MMS22L: variants seen among roughly 807,000 people sequenced by gnomAD.
The protein encoded by MMS22L is protein MMS22-like.
In MMS22L, 74 loss-of-function variants were observed where a neutral mutation model predicts 159.1. The observed-to-expected ratio is 0.47, with a 90% CI of 0.39 to 0.56. The LOEUF is 0.56. MMS22L is among the 20% of genes least tolerant of loss of function. The pLI, the probability that MMS22L is intolerant of heterozygous loss-of-function variation, is 0.00. For synonymous variants in MMS22L, 517 were observed against 506.9 expected (o/e 1.02, Z -0.27); for missense variants, 1,351 against 1,422.1 (o/e 0.95, Z 0.80).
intron 8 of MMS22L, 198 bp downstream of exon 8, chr6:97,267,674 C>T (rs1022930982): frequency 9.0e-6 from 3 of 333,848 alleles, no homozygotes; most frequent in Non-Finnish European, 1.0e-5. Context: ...AAAAGAAAAG[C>T]TCTAAAATAC....
At chr6:97,254,758 T>C in intron 9 of MMS22L, 25 bp from the exon 10 acceptor site, 1 of 1,559,354 alleles carries the variant, frequency 6.4e-7, no homozygotes. Flanking sequence ...GTAATTTGAT[T>C]CCATTAAGAC....
intron 7 of MMS22L, among the ~76,000 whole-genome samples, chr6:97,268,724 G>C (rs997804173): frequency 6.6e-6 from 1 of 151,974 alleles, no homozygotes; most frequent in Non-Finnish European, 1.5e-5. Flanking sequence ...CAAGGTAATA[G>C]ATAACCAAAA....
At chr6:97,270,413 A>G (rs1815607339) in intron 6 of MMS22L, 4 of 383,792 alleles carry the variant, frequency 1.0e-5, no homozygotes, top group South Asian at 4.1e-5. Context: ...AGAACTTTAG[A>G]CTGTCATGTA....
Position 97,179,531 on chromosome 6 carries a change from C to A in MMS22L, c.2413G>T (p.Gly805Cys), listed in dbSNP as rs775256756. The stretch of plus-strand genomic sequence containing the variant: ...GTTAAGGCTTGAAAAGATACATAGC[C>A]TGAATGAGAAAGTGCTTCACATAAT... Reference protein sequence around the residue: ...STLCEALSHSGYVSFQALTVR... With the variant: ...STLCEALSHSCYVSFQALTVR... Residue 805 changes from glycine to cysteine, a missense_variant, in exon 17 of 25, where the codon GGC becomes TGC. By Grantham distance (159) the Gly-to-Cys change is radical. Coordinates refer to ENST00000683635, the MANE Select transcript of MMS22L (RefSeq NM_001350599.2). 1.2e-6 allele frequency: 2 copies of A among 1,611,080 alleles called. No homozygotes were observed.
intron 10 of MMS22L, among the ~76,000 whole-genome samples, chr6:97,248,667 C>G (rs1320961937): frequency 6.6e-6 from 1 of 152,078 alleles, no homozygotes; most frequent in Admixed American, 6.5e-5. Flanking sequence ...CAAGACCAGC[C>G]TGGCCAACAT....
At chr6:97,246,918 G>A (rs1188212676) in intron 10 of MMS22L, among the ~76,000 whole-genome samples, 1 of 151,562 alleles carries the variant, frequency 6.6e-6, no homozygotes, top group African/African-American at 2.4e-5. Flanking sequence ...TGTAACAGTG[G>A]TGCTTCAGTA....
intron 11 of MMS22L, among the ~76,000 whole-genome samples, chr6:97,238,349 T>A (rs1464158872): frequency 6.6e-6 from 1 of 152,212 alleles, no homozygotes; most frequent in Non-Finnish European, 1.5e-5. Flanking sequence ...ATAGTATTGT[T>A]CCTTAAGATG....
chr6:97,255,356 C>A (rs1373881533), intron 9 of MMS22L, among the ~76,000 whole-genome samples: 1 of 151,922 alleles, frequency 6.6e-6, no homozygotes, highest in Non-Finnish European at 1.5e-5. Context: ...AAGTCATGTT[C>A]CTTTTTATAT....
chr6:97,263,742 T>C (rs559092348), intron 8 of MMS22L: 1 of 183,812 alleles, frequency 5.4e-6, no homozygotes, highest in African/African-American at 2.4e-5. Context: ...GGAGTCTCGC[T>C]CTGTCACCCA....
intron 14 of MMS22L, among the ~76,000 whole-genome samples, chr6:97,220,595 A>T (rs1454594586): frequency 2.0e-5 from 3 of 152,188 alleles, no homozygotes; most frequent in African/African-American, 7.2e-5. Flanking sequence ...TTTTAAAAAC[A>T]GAGGTAATGA....
At chr6:97,251,926 A>G (rs922246758) in intron 10 of MMS22L, among the ~76,000 whole-genome samples, 7 of 152,270 alleles carry the variant, frequency 4.6e-5, no homozygotes, top group African/African-American at 1.7e-4. Context: ...TACGAAAAAT[A>G]CAAAAAATTA....
At chr6:97,270,226 T>G (rs1333123717) in intron 6 of MMS22L, 2 of 604,654 alleles carry the variant, frequency 3.3e-6, no homozygotes, top group Non-Finnish European at 6.1e-6. Context: ...ACCTTGGGGC[T>G]GCTGAATAGA....
intron 21 of MMS22L, 85 bp downstream of exon 21, chr6:97,165,161 G>T: frequency 1.7e-6 from 2 of 1,165,466 alleles, no homozygotes; most frequent in Non-Finnish European, 2.5e-6. Flanking sequence ...CCTAAGGGTT[G>T]CCAATATGTT....
At chr6:97,230,476 T>C (rs915162967) in intron 13 of MMS22L, 11 of 152,066 alleles carry the variant, frequency 7.2e-5, no homozygotes, top group African/African-American at 2.2e-4. Context: ...GTTAAATGTT[T>C]ATAAATACTT....
intron 14 of MMS22L, among the ~76,000 whole-genome samples, chr6:97,206,747 TAA>T (rs1424843364): frequency 1.3e-5 from 2 of 152,084 alleles, no homozygotes; most frequent in East Asian, 3.9e-4. Flanking sequence ...TAAACATGGC[TAA>T]AAGAGACACT....
chr6:97,258,782 A>C (rs1385148508), intron 9 of MMS22L: 1 of 152,228 alleles, frequency 6.6e-6, no homozygotes, highest in African/African-American at 2.4e-5. Flanking sequence ...ACAATTCTTT[A>C]TGATTGTCTT....
intron 14 of MMS22L, among the ~76,000 whole-genome samples, chr6:97,227,614 T>C (rs974850275): frequency 6.6e-6 from 1 of 152,150 alleles, no homozygotes; most frequent in Admixed American, 6.5e-5. Context: ...AAGCTAGTAA[T>C]AGAAATAAAT....
chr6:97,281,683 T>C (rs1310803010), intron 2 of MMS22L, among the ~76,000 whole-genome samples: 1 of 152,214 alleles, frequency 6.6e-6, no homozygotes, highest in Non-Finnish European at 1.5e-5. Flanking sequence ...CATTTAATTT[T>C]AAAACTGCTA....
Position 97,254,540 on chromosome 6 carries a change from A to T in MMS22L, c.1119+17T>A. ...TAATTGACAATATAAGAAAGTTTTT[A>T]AAAAATGAAGTCTTACCATTTCATC... On this transcript the variant is annotated intron_variant, in intron 10 of 24. Transcript: ENST00000683635. The T allele has an allele frequency of 1.2e-6, 2 of 1,604,102 alleles. No individual in the cohort carries two copies.
Sources: allele counts gnomAD v4.1 joint callset (sites outside exome capture counted in the v4.1 genomes callset), GRCh38; gene constraint gnomAD v4.1.1; transcripts MANE v1.5; gene names NCBI Gene and HGNC (gene_info 2026-07-23, HGNC 2026-07-21).